Variants in LPP observed in about 807,000 individuals in gnomAD.
LPP encodes the protein lipoma-preferred partner.
LPP carries 38 observed loss-of-function variants against 60.4 expected under a neutral mutation model. The observed-to-expected ratio is 0.63, with a 90% CI of 0.49 to 0.83. The LOEUF is 0.83. LPP is among the 40% of genes least tolerant of loss of function. The probability of loss-of-function intolerance (pLI) is 0.00; values close to 1 mark genes in which losing one functional copy is unlikely to be tolerated. For synonymous variants in LPP, 328 were observed against 290.8 expected (o/e 1.13, Z -1.30); for missense variants, 902 against 783.6 (o/e 1.15, Z -1.80).
chr3:188,180,600 G>A (rs574643919), intron 1 of LPP: 1 of 154,480 alleles, frequency 6.5e-6, no homozygotes, highest in South Asian at 2.0e-4. Context: ...ATATGGAACC[G>A]TATAAAGAAA....
At chr3:188,278,519 A>T (rs947361100) in intron 2 of LPP, among the ~76,000 whole-genome samples, 17 of 152,114 alleles carry the variant, frequency 1.1e-4, no homozygotes, top group African/African-American at 3.4e-4. Context: ...ATTGGCTGAC[A>T]TGCATCTTCT....
chr3:188,414,464 G>A (rs552243554), intron 4 of LPP, among the ~76,000 whole-genome samples: 3 of 152,112 alleles, frequency 2.0e-5, no homozygotes, highest in African/African-American at 4.8e-5. Context: ...TTGTATATGC[G>A]ATACTTAGTC....
intron 1 of LPP, chr3:188,179,130 T>G: frequency 2.8e-6 from 1 of 356,464 alleles, no homozygotes; most frequent in South Asian, 2.0e-5. Context: ...TTGAGAGCAT[T>G]GATATGGGGT....
chr3:188,603,403 G>C (rs1841821482), intron 6 of LPP, among the ~76,000 whole-genome samples: 1 of 151,158 alleles, frequency 6.6e-6, no homozygotes, highest in African/African-American at 2.4e-5. Flanking sequence ...TATTACCTGA[G>C]AGAGGTGGAT....
intron 9 of LPP, among the ~76,000 whole-genome samples, chr3:188,843,992 G>A (rs73888934): frequency 0.025 from 3,729 of 152,068 alleles, 151 homozygotes; most frequent in African/African-American, 0.084. Context: ...CTTGCTACAA[G>A]AAAATTTCCC....
chr3:188,323,473 T>A (rs1218957190), intron 2 of LPP, among the ~76,000 whole-genome samples: 1 of 152,188 alleles, frequency 6.6e-6, no homozygotes, highest in Non-Finnish European at 1.5e-5. Context: ...AGACAGCCAC[T>A]TATTTTCTGG....
intron 6 of LPP, among the ~76,000 whole-genome samples, chr3:188,606,285 A>G (rs1172240469): frequency 6.6e-5 from 10 of 152,148 alleles, no homozygotes. Context: ...CAGATCCTTG[A>G]GAAGACCTAG....
intron 7 of LPP, among the ~76,000 whole-genome samples, chr3:188,639,230 A>T (rs1312475094): frequency 6.6e-6 from 1 of 152,094 alleles, no homozygotes; most frequent in African/African-American, 2.4e-5. Flanking sequence ...CAACCATCTG[A>T]TCTTTGACAA....
intron 4 of LPP, among the ~76,000 whole-genome samples, chr3:188,422,546 T>C (rs138275632): frequency 4.7e-4 from 71 of 152,320 alleles, no homozygotes; most frequent in African/African-American, 1.4e-3. Flanking sequence ...CTCATTAAAC[T>C]AAATGCAGTT....
At chr3:188,342,866 T>C (rs1334579939) in intron 3 of LPP, among the ~76,000 whole-genome samples, 1 of 152,176 alleles carries the variant, frequency 6.6e-6, no homozygotes, top group Non-Finnish European at 1.5e-5. Context: ...ATTTCTGTAA[T>C]TAAACCAGAC....
intron 2 of LPP, among the ~76,000 whole-genome samples, chr3:188,305,649 C>T (rs1432250160): frequency 1.3e-5 from 2 of 152,136 alleles, no homozygotes; most frequent in Non-Finnish European, 2.9e-5. Flanking sequence ...TTTATAATCT[C>T]TTTGACTATA....
At chr3:188,592,030 C>T (rs1328582600) in intron 6 of LPP, among the ~76,000 whole-genome samples, 1 of 152,108 alleles carries the variant, frequency 6.6e-6, no homozygotes, top group Admixed American at 6.5e-5. Flanking sequence ...ATTGCACCTC[C>T]TCAAATCTTT....
intron 7 of LPP, among the ~76,000 whole-genome samples, chr3:188,692,987 G>C (rs1406300251): frequency 6.6e-6 from 1 of 152,314 alleles, no homozygotes; most frequent in East Asian, 1.9e-4. Flanking sequence ...GTTATAACTT[G>C]TTTTCTGCCT....
At chr3:188,384,018 G>C (rs1006792049) in intron 3 of LPP, among the ~76,000 whole-genome samples, 5 of 152,138 alleles carry the variant, frequency 3.3e-5, no homozygotes, top group Non-Finnish European at 5.9e-5. Flanking sequence ...TCCTTAGAAA[G>C]AGATAAGTAT....
At chr3:188,855,089 A>C (rs1401390441) in intron 9 of LPP, among the ~76,000 whole-genome samples, 1 of 152,220 alleles carries the variant, frequency 6.6e-6, no homozygotes, top group Non-Finnish European at 1.5e-5. Flanking sequence ...ATGGTAGACA[A>C]ATACTGTAAG....
intron 2 of LPP, among the ~76,000 whole-genome samples, chr3:188,307,796 G>T (rs1752015543): frequency 6.6e-6 from 1 of 152,134 alleles, no homozygotes. Flanking sequence ...TGTTCAATAT[G>T]ACTTTATTAA....
At chr3:188,844,222 G>C (rs1176991858) in intron 9 of LPP, among the ~76,000 whole-genome samples, 1 of 152,176 alleles carries the variant, frequency 6.6e-6, no homozygotes, top group Non-Finnish European at 1.5e-5. Context: ...CTGATTTGTA[G>C]TAGATGTTGT....
At chr3:188,237,370 C>T (rs144154709) in intron 2 of LPP, among the ~76,000 whole-genome samples, 1 of 152,290 alleles carries the variant, frequency 6.6e-6, no homozygotes, top group African/African-American at 2.4e-5. Flanking sequence ...TTTTGACCTT[C>T]TCTTATGAAT....
chr3:188,801,012 A>G (rs902109306), intron 9 of LPP, among the ~76,000 whole-genome samples: 3 of 152,178 alleles, frequency 2.0e-5, no homozygotes, highest in Non-Finnish European at 4.4e-5. Context: ...ACTGGCTGGC[A>G]GAGCTCTCCA....
Sources: allele counts gnomAD v4.1 joint callset (sites outside exome capture counted in the v4.1 genomes callset), GRCh38; gene constraint gnomAD v4.1.1; transcripts MANE v1.5; gene names NCBI Gene and HGNC (gene_info 2026-07-23, HGNC 2026-07-21).